CABLES2: variants seen among roughly 807,000 people sequenced by gnomAD.
CABLES2 encodes Cdk5 and Abl enzyme substrate 2.
A neutral mutation model predicts 44.8 loss-of-function variants in CABLES2; 35 were observed. The ratio of observed to expected loss-of-function variants is 0.78; its 90% CI spans 0.60 to 1.04. The LOEUF is 1.04. Ranked by LOEUF, CABLES2 falls within the 50% of genes least tolerant of loss-of-function variation. CABLES2 has a pLI of 0.00. For missense variants in CABLES2, 566 were observed against 615.7 expected (o/e 0.92, Z 0.85); for synonymous variants, 282 against 281.1 (o/e 1.00, Z -0.03).
Position 62,396,654 on chromosome 20 carries a change from GA to G in CABLES2, c.363-63del. The G allele has an allele frequency of 6.6e-7, 1 of 1,518,236 alleles. No individual in the cohort carries two copies. The highest frequency in any genetic ancestry group is 9.0e-7 in the Non-Finnish European group (1 of 1,114,118). 94.0% of individuals were successfully genotyped at this position (1,518,236 alleles called of 1,614,324 possible). ...AGCCCGGGTGCCGCCTTTGTGGCCA[GA>G]AACCGAGTGCCGCCCGCTGTGCAGG... On this transcript the variant is annotated intron_variant, in intron 1 of 9. Coordinates refer to ENST00000279101, the MANE Select transcript of CABLES2 (RefSeq NM_031215.3). This position sits in a 1 kb window ranked among gnomAD's most constrained non-coding sequence, Gnocchi z 5.7.
In CABLES2 at chr20:62,394,215, G is replaced by C. The variant is rs1195669175; in HGVS notation, c.656C>G (p.Ser219Cys). The change falls in exon 5 of 10, where the codon TCT becomes TGT. Residue 219 changes from serine to cysteine, a missense_variant. Around this residue, in one of 2 missense-constraint regions of CABLES2, gnomAD observed 436 missense variants for 536.3 expected, o/e 0.81. Transcript: ENST00000279101. Reference protein sequence around the residue: ...QKQRHPSGGVSVSSEMVFELE... With the variant: ...QKQRHPSGGVCVSSEMVFELE... ...CTCAAAGACCATCTCGGAAGACACAGAGACGCCGCCGGACGGGTGCCTCTG... is the reference window on the plus strand; with the variant it reads ...CTCAAAGACCATCTCGGAAGACACACAGACGCCGCCGGACGGGTGCCTCTG... 2.5e-6 allele frequency: 4 copies of C among 1,613,506 alleles called. No individual in the cohort carries two copies. Among genetic ancestry groups the C allele is most frequent in the Non-Finnish European group, 3.4e-6 (4 of 1,180,026 alleles).
Position 62,394,926 on chromosome 20 carries a change from T to C in CABLES2, c.605+11A>G, listed in dbSNP as rs1400886455. 2 of 1,611,554 alleles carry C rather than the reference T, an allele frequency of 1.2e-6. No individual in the cohort carries two copies. Among genetic ancestry groups the C allele is most frequent in the South Asian group, 1.1e-5 (1 of 90,810 alleles). ...TGGACACCGCATGCGAGGCAAGCGC[T>C]GAGTACTCACCTGATCCGCAGGCCT... On this transcript the variant is annotated intron_variant, in intron 4 of 9. Transcript: ENST00000279101.
rs150872237 is a variant in CABLES2 at position 62,403,007 on chromosome 20, C to T, written c.362+3908G>A. On this transcript the variant is annotated intron_variant, in intron 1 of 9. Transcript: ENST00000279101. ...GCCCAGACAGCAGCTTGTCCCACAG[C>T]TGCAGCCCAGCCCCAGGCCCAGGCC... 3.7e-3 allele frequency: 561 copies of T among 152,408 alleles called. 2 individuals are homozygous for T. Among genetic ancestry groups the T allele is most frequent in the Middle Eastern group, 0.02 (6 of 294 alleles). 9.4% of individuals were successfully genotyped at this position (152,408 alleles called of 1,614,324 possible). A position where few individuals can be genotyped will look rare whatever the true frequency, so the allele number is the denominator to read the frequency against.
chr20:62,398,770 C>T (rs1988133540), intron 1 of CABLES2, among the ~76,000 whole-genome samples: 1 of 152,226 alleles, frequency 6.6e-6, no homozygotes, highest in African/African-American at 2.4e-5. Flanking sequence ...ATGGTGGGTG[C>T]CACCTGTGCC....
chr20:62,406,111 C>G (rs1009989075), intron 1 of CABLES2, among the ~76,000 whole-genome samples: 1 of 152,022 alleles, frequency 6.6e-6, no homozygotes, highest in Non-Finnish European at 1.5e-5. Flanking sequence ...CCAAAGATAC[C>G]GAGCTGAGAG....
Position 62,389,724 on chromosome 20 carries a change from G to C in CABLES2, c.*1247C>G, listed in dbSNP as rs1681336992. 1 of 152,238 alleles carries C rather than the reference G, an allele frequency of 6.6e-6. No homozygotes were observed. Among genetic ancestry groups the C allele is most frequent in the Non-Finnish European group, 1.5e-5 (1 of 68,058 alleles). 9.4% of individuals were successfully genotyped at this position (152,238 alleles called of 1,614,324 possible). A position where few individuals can be genotyped will look rare whatever the true frequency, so the allele number is the denominator to read the frequency against. On this transcript the variant is annotated 3_prime_UTR_variant, in exon 10 of 10. Transcript: ENST00000279101. The stretch of plus-strand genomic sequence containing the variant: ...ATGAAGAAAAACTCAGCAGTCCTTG[G>C]TTATTCAGTGTTTTTGATGAGGCAG...
At position 62,392,953 on chromosome 20, in the gene CABLES2, C is replaced by T. The variant is rs1987946926; in HGVS notation, c.951G>A (p.Lys317=). The part of the protein sequence containing the change: ...LLDDPQWPCG[K]HKRVLIFASY... ...ACGCAAAGATGAGGACACGTTTGTGCTTGCCGCAGGGCCACTGCGGGTCAT... is the reference window on the plus strand; with the variant it reads ...ACGCAAAGATGAGGACACGTTTGTGTTTGCCGCAGGGCCACTGCGGGTCAT... Residue 317 remains lysine, a synonymous_variant, in exon 7 of 10, where the codon AAG becomes AAA. Transcript: ENST00000279101. The T allele has an allele frequency of 1.2e-6, 2 of 1,614,072 alleles. No individual in the cohort carries two copies. Among genetic ancestry groups the T allele is most frequent in the Non-Finnish European group, 1.7e-6 (2 of 1,180,016 alleles).
intron 7 of CABLES2, among the ~76,000 whole-genome samples, 180 bp downstream of exon 7, chr20:62,392,740 T>C (rs546338079): frequency 2.6e-5 from 4 of 152,306 alleles, no homozygotes; most frequent in African/African-American, 9.6e-5. Context: ...GGACCCCAGC[T>C]GGAGTGGCCA....
chr20:62,392,647 C>G, intron 7 of CABLES2, 152 bp from the exon 8 acceptor site: 5 of 680,736 alleles, frequency 7.3e-6, no homozygotes, highest in Non-Finnish European at 1.0e-5. Context: ...CAAAATGGCT[C>G]AAGAGAGAGA....
Position 62,407,206 on chromosome 20 carries a change from GCGGCGGGTGGCGGGGGCC to G in CABLES2, c.53_70del (p.Gly18_Ala23del). 1.0e-6 allele frequency: 1 copy of G among 975,452 alleles called. No homozygotes were observed. The highest frequency in any genetic ancestry group is 1.2e-6 in the Non-Finnish European group (1 of 823,504). 60.4% of individuals were successfully genotyped at this position (975,452 alleles called of 1,614,324 possible). On this transcript the variant is annotated inframe_deletion, in exon 1 of 10. Coordinates refer to ENST00000279101, the MANE Select transcript of CABLES2 (RefSeq NM_031215.3). ...CGGGGCCCGAGCGGCCGAGGTCGGC[GCGGCGGGTGGCGGGGGCC>G]CGGCGGGGCCGGGGGCCGGGCCCGG...
chr20:62,397,937 G>GATGGCGGTGGTGGTC (rs1569017149), intron 1 of CABLES2, among the ~76,000 whole-genome samples: 1 of 93,674 alleles, frequency 1.1e-5, no homozygotes, highest in Admixed American at 9.8e-5. Context: ...TGGTGGTGGT[G>GATGGCGGTGGTGGTC]ATGGTGGTGA....
intron 7 of CABLES2, 58 bp downstream of exon 7, chr20:62,392,862 C>A: frequency 6.7e-7 from 1 of 1,501,400 alleles, no homozygotes. Flanking sequence ...CCCCACACGC[C>A]CCGAGCCAGG....
At chr20:62,392,290 G>C in intron 8 of CABLES2, 99 bp downstream of exon 8, 2 of 905,250 alleles carry the variant, frequency 2.2e-6, no homozygotes, top group Non-Finnish European at 3.6e-6. Context: ...ATGGGCAGCG[G>C]CTAGACTTGT....
At position 62,391,953 on chromosome 20, in the gene CABLES2, G is replaced by A. The variant is rs1189576199; in HGVS notation, c.1091+436C>T. On this transcript the variant is annotated intron_variant, in intron 8 of 9. Transcript: ENST00000279101. This position sits in a 1 kb window ranked among gnomAD's most constrained non-coding sequence, Gnocchi z 5.7. ...TTTCCTCCGGTCATGGGTCATCAGC[G>A]TGGCACAATGTGAGAGCAGAGGCAC... 1.3e-5 allele frequency among the ~76,000 whole-genome samples: 2 copies of A among 152,046 alleles called. No individual in the cohort carries two copies. The highest frequency in any genetic ancestry group is 6.5e-5 in the Admixed American group (1 of 15,268).
intron 5 of CABLES2, 90 bp downstream of exon 5, chr20:62,394,067 G>A (rs754930939): frequency 1.6e-4 from 153 of 965,362 alleles, no homozygotes; most frequent in Non-Finnish European, 2.1e-4. Flanking sequence ...ACAGCTTCAC[G>A]TGTGCCTCGT....
At position 62,388,747 on chromosome 20, in the gene CABLES2, A is replaced by G. The variant is rs112992702; in HGVS notation, c.*2224T>C. ...TACTTGCTTATGCACACTGACATCCACAACTGCTACCGGTGCGGAAGCAAC... is the reference window on the plus strand; with the variant it reads ...TACTTGCTTATGCACACTGACATCCGCAACTGCTACCGGTGCGGAAGCAAC... On this transcript the variant is annotated 3_prime_UTR_variant, in exon 10 of 10. Coordinates refer to ENST00000279101, the MANE Select transcript of CABLES2 (RefSeq NM_031215.3). The G allele has an allele frequency of 3.6e-4, 188 of 517,978 alleles. No homozygotes were observed. The highest frequency in any genetic ancestry group is 3.4e-3 in the African/African-American group (176 of 52,276). The allele number at this position is 517,978 out of a possible 1,614,324, so 32.1% of individuals were successfully genotyped here.
rs182786622 is a variant in CABLES2, at chr20:62,399,495, C to T, written c.363-2903G>A. On this transcript the variant is annotated intron_variant, in intron 1 of 9. Transcript: ENST00000279101. ...ATCTCCTGACCTCGTGATCCACCTGCCTCGGCCTCCCAAAGTGCTGGGATT... is the reference window on the plus strand; with the variant it reads ...ATCTCCTGACCTCGTGATCCACCTGTCTCGGCCTCCCAAAGTGCTGGGATT... Among the ~76,000 whole-genome samples, 19 of 151,950 alleles carry T rather than the reference C, an allele frequency of 1.3e-4. No individual in the cohort carries two copies. The East Asian group carries it at 3.5e-3, about 28-fold the overall frequency.
intron 4 of CABLES2, 114 bp from the exon 5 acceptor site, chr20:62,394,379 C>T: frequency 1.3e-6 from 1 of 770,364 alleles, no homozygotes; most frequent in Non-Finnish European, 2.2e-6. Context: ...CAGCACAGCC[C>T]CTCGGGAAAG....
At position 62,391,495 on chromosome 20, in the gene CABLES2, TG is replaced by T; in HGVS notation, c.1092-43del. On this transcript the variant is annotated intron_variant, in intron 8 of 9. Coordinates refer to ENST00000279101, the MANE Select transcript of CABLES2 (RefSeq NM_031215.3). This position sits in a 1 kb window ranked among gnomAD's most constrained non-coding sequence, Gnocchi z 5.7. ...AAGCCATGTCCCTGGGGGCTCTGGCTGGGGCTGAGGAGGCAGCCCCCTGCCA... is the reference window on the plus strand; with the variant it reads ...AAGCCATGTCCCTGGGGGCTCTGGCTGGGCTGAGGAGGCAGCCCCCTGCCA... 3 of 1,600,904 alleles carry T rather than the reference TG, an allele frequency of 1.9e-6. No homozygotes were observed. Among genetic ancestry groups the T allele is most frequent in the Non-Finnish European group, 2.6e-6 (3 of 1,169,878 alleles).
Sources: gnomAD v4.1 joint callset for allele counts (sites outside exome capture counted in the v4.1 genomes callset) on GRCh38, gnomAD v4.1.1 for gene constraint, gnomAD v4.1.1 regional missense constraint, Gnocchi (gnomAD v3.1) non-coding constraint, MANE v1.5 for transcripts, NCBI Gene and HGNC (gene_info 2026-07-23, HGNC 2026-07-21) for gene names.